The following TAFA1 variants were observed in gnomAD, a reference collection of about 807,000 sequenced individuals.
TAFA1 encodes chemokine-like protein TAFA-1.
TAFA1 carries 4 observed loss-of-function variants against 18.5 expected under a neutral mutation model. That is an observed-to-expected ratio of 0.22 (90% confidence interval 0.11 to 0.49). The LOEUF is 0.49. Ranked by LOEUF, TAFA1 falls within the 20% of genes least tolerant of loss-of-function variation. The pLI is 0.98. For synonymous variants in TAFA1, 56 were observed against 55.2 expected (o/e 1.01, Z -0.06); for missense variants, 147 against 169.0 (o/e 0.87, Z 0.72).
intron 2 of TAFA1, among the ~76,000 whole-genome samples, chr3:68,333,157 T>C (rs2068910870): frequency 6.6e-6 from 1 of 152,308 alleles, no homozygotes; most frequent in South Asian, 2.1e-4. Flanking sequence ...CTTGGGTATA[T>C]ACTTAAAGGA....
chr3:68,170,426 T>C (rs1355640466), intron 2 of TAFA1, among the ~76,000 whole-genome samples: 1 of 152,214 alleles, frequency 6.6e-6, no homozygotes, highest in Non-Finnish European at 1.5e-5. Flanking sequence ...CAATTGCAGT[T>C]GTTTAATGTT....
rs576353952 is a variant in TAFA1 at position 68,206,828 on chromosome 3, T to A, written c.118+200084T>A. Among the ~76,000 whole-genome samples the A allele has an allele frequency of 4.6e-5, 7 of 152,044 alleles. No homozygotes were observed. The East Asian group carries it at 1.4e-3, about 30-fold the overall frequency. On this transcript the variant is annotated intron_variant, in intron 2 of 4. Transcript: ENST00000478136. ...CCTCATTGGACTAACTTGGACTGCA[T>A]GCCCAGTTACCCTAGCCCGGAGAAA...
chr3:68,395,793 C>T (rs1315084899), intron 2 of TAFA1, among the ~76,000 whole-genome samples: 5 of 152,072 alleles, frequency 3.3e-5, no homozygotes, highest in Admixed American at 2.0e-4. Context: ...ATATCACACA[C>T]TGGGGCCTGT....
At chr3:68,065,864 GTAGA>G (rs1433682163) in intron 2 of TAFA1, among the ~76,000 whole-genome samples, 43 of 151,582 alleles carry the variant, frequency 2.8e-4, no homozygotes, top group African/African-American at 9.9e-4. Context: ...TCATTGACAG[GTAGA>G]TAGAGAAATA....
intron 2 of TAFA1, among the ~76,000 whole-genome samples, chr3:68,168,062 C>A (rs560808028): frequency 6.9e-6 from 1 of 144,084 alleles, no homozygotes; most frequent in African/African-American, 2.5e-5. Context: ...CAAAATTTCC[C>A]ATTTTTAGGG....
chr3:68,315,829 G>A (rs1488128401), intron 2 of TAFA1, among the ~76,000 whole-genome samples: 3 of 152,154 alleles, frequency 2.0e-5, no homozygotes, highest in Non-Finnish European at 4.4e-5. Flanking sequence ...TATGGAAAAG[G>A]CTAAACATAT....
In TAFA1 at chr3:68,063,685, C is replaced by T. The variant is rs1031087654; in HGVS notation, c.118+56941C>T. ...TTTGAAATTACAGTCATTATTCAGA[C>T]CTGCAGACCTGCAGTCAGATTATGT... On this transcript the variant is annotated intron_variant, in intron 2 of 4. Coordinates refer to ENST00000478136, the MANE Select transcript of TAFA1 (RefSeq NM_213609.4). Among the ~76,000 whole-genome samples, 4 of 152,252 alleles carry T rather than the reference C, an allele frequency of 2.6e-5. No individual in the cohort carries two copies. In the East Asian group the frequency reaches 7.7e-4, roughly 29 times the overall value.
intron 2 of TAFA1, among the ~76,000 whole-genome samples, chr3:68,266,821 C>G (rs542554919): frequency 2.6e-4 from 39 of 152,214 alleles, no homozygotes; most frequent in African/African-American, 9.2e-4. Flanking sequence ...GGATGCTGCC[C>G]AACTCTCAGC....
intron 2 of TAFA1, among the ~76,000 whole-genome samples, chr3:68,287,780 C>T (rs17047443): frequency 0.14 from 20,769 of 151,978 alleles, 2,115 homozygotes; most frequent in East Asian, 0.58. Context: ...CCGTCCGTGA[C>T]GCCCCGAAGC....
chr3:68,128,418 C>T (rs1363330697), intron 2 of TAFA1, among the ~76,000 whole-genome samples: 2 of 152,140 alleles, frequency 1.3e-5, no homozygotes, highest in Non-Finnish European at 2.9e-5. Context: ...AGCCAGGCAA[C>T]AATTTCATTA....
intron 2 of TAFA1, among the ~76,000 whole-genome samples, chr3:68,031,798 A>G (rs1347610770): frequency 6.6e-6 from 1 of 152,176 alleles, no homozygotes; most frequent in African/African-American, 2.4e-5. Flanking sequence ...GTTAGATTGG[A>G]TGACTTCTAT....
chr3:68,247,883 T>C (rs1252349070), intron 2 of TAFA1: 1 of 152,242 alleles, frequency 6.6e-6, no homozygotes, highest in Admixed American at 6.5e-5. Context: ...CCTTTCTCTT[T>C]ATTTGTATAG....
rs574910976 is a variant in TAFA1 at position 68,461,238 on chromosome 3, C to A, written c.259+43818C>A. ...GATAGGTTGCAAGGAGCCAAGATTG[C>A]GCCACTGCACTCCAGCCTTGGTGAT... On this transcript the variant is annotated intron_variant, in intron 3 of 4. Transcript: ENST00000478136. Among the ~76,000 whole-genome samples the A allele has an allele frequency of 6.6e-5, 10 of 151,604 alleles. 1 individual carries two copies. In the South Asian group the frequency reaches 1.9e-3, roughly 29 times the overall value.
chr3:68,379,522 CT>C (rs2069887792), intron 2 of TAFA1, among the ~76,000 whole-genome samples: 1 of 152,070 alleles, frequency 6.6e-6, no homozygotes, highest in Non-Finnish European at 1.5e-5. Flanking sequence ...TCAACTTTTG[CT>C]TTTGTCGTAA....
intron 2 of TAFA1, among the ~76,000 whole-genome samples, chr3:68,365,432 C>T (rs2069548366): frequency 1.3e-5 from 2 of 152,048 alleles, no homozygotes; most frequent in Admixed American, 1.3e-4. Flanking sequence ...ATAGAACTTC[C>T]AAATTACAGA....
intron 2 of TAFA1, among the ~76,000 whole-genome samples, chr3:68,339,853 G>A (rs539652820): frequency 4.6e-5 from 7 of 152,258 alleles, no homozygotes; most frequent in Middle Eastern, 3.4e-3. Flanking sequence ...ACTGTTCACC[G>A]ATTTGTAAGG....
chr3:68,471,711 G>C (rs1431301871), intron 3 of TAFA1, among the ~76,000 whole-genome samples: 2 of 152,134 alleles, frequency 1.3e-5, no homozygotes, highest in Admixed American at 6.5e-5. Context: ...GTGTCTCCCA[G>C]TTCACTGACA....
chr3:68,487,981 T>C (rs2072378829), intron 3 of TAFA1, among the ~76,000 whole-genome samples: 1 of 152,208 alleles, frequency 6.6e-6, no homozygotes, highest in Non-Finnish European at 1.5e-5. Context: ...CACAAATTTC[T>C]TCTTTACAGA....
chr3:68,248,765 G>C (rs1226017708), intron 2 of TAFA1, among the ~76,000 whole-genome samples: 2 of 150,178 alleles, frequency 1.3e-5, no homozygotes, highest in African/African-American at 2.4e-5. Flanking sequence ...GTGGGGTAGG[G>C]AGGGTAGATG....
Sources: gnomAD v4.1 joint callset for allele counts (sites outside exome capture counted in the v4.1 genomes callset) on GRCh38, gnomAD v4.1.1 for gene constraint, MANE v1.5 for transcripts, NCBI Gene and HGNC (gene_info 2026-07-23, HGNC 2026-07-21) for gene names.